Variants in PTPRK observed in about 807,000 individuals in gnomAD.
PTPRK encodes protein tyrosine phosphatase receptor type K, also known as receptor-type tyrosine-protein phosphatase kappa.
Under a neutral mutation model 178.0 loss-of-function variants are expected in PTPRK, and 75 were observed. That is an observed-to-expected ratio of 0.42 (90% CI 0.35 to 0.51). The LOEUF is 0.51. Ranked by LOEUF, PTPRK falls within the 20% of genes least tolerant of loss-of-function variation. The pLI is 0.02. For missense variants in PTPRK, 1,441 were observed against 1,797.8 expected (o/e 0.80, Z 3.59); for synonymous variants, 637 against 620.6 (o/e 1.03, Z -0.39).
intron 2 of PTPRK, among the ~76,000 whole-genome samples, chr6:128,345,904 G>T (rs1832369736): frequency 1.3e-5 from 2 of 152,084 alleles, no homozygotes; most frequent in South Asian, 4.1e-4. Flanking sequence ...CAAAATAGAA[G>T]CACTCAATCT....
At chr6:128,145,415 C>T (rs892601825) in intron 7 of PTPRK, among the ~76,000 whole-genome samples, 2 of 152,020 alleles carry the variant, frequency 1.3e-5, no homozygotes, top group Non-Finnish European at 2.9e-5. Context: ...TTAAAATGTA[C>T]AGCTTTTACA....
At chr6:128,291,858 G>A (rs1823438669) in intron 3 of PTPRK, among the ~76,000 whole-genome samples, 1 of 152,008 alleles carries the variant, frequency 6.6e-6, no homozygotes. Flanking sequence ...CTACAGTGTG[G>A]CCCTGGTAGG....
chr6:128,134,994 T>A (rs926127782), intron 7 of PTPRK, among the ~76,000 whole-genome samples: 2 of 151,848 alleles, frequency 1.3e-5, no homozygotes, highest in Admixed American at 1.3e-4. Context: ...CATCCACTAT[T>A]GCAAGAATTT....
intron 14 of PTPRK, chr6:128,005,890 AG>A: frequency 2.1e-6 from 1 of 484,514 alleles, no homozygotes; most frequent in Non-Finnish European, 3.6e-6. Flanking sequence ...TGATAGATAA[AG>A]TTTATAGTTT....
intron 7 of PTPRK, among the ~76,000 whole-genome samples, chr6:128,119,753 C>A (rs140991271): frequency 3.9e-5 from 6 of 152,082 alleles, no homozygotes; most frequent in African/African-American, 1.4e-4. Context: ...CCAGTAACTG[C>A]AATGCTTAGG....
chr6:128,109,921 G>T (rs1014127779), intron 7 of PTPRK, among the ~76,000 whole-genome samples: 2 of 151,900 alleles, frequency 1.3e-5, no homozygotes, highest in Non-Finnish European at 2.9e-5. Flanking sequence ...GGGGGGAGGA[G>T]GAGAGACAGG....
At chr6:128,446,381 G>A (rs1168432724) in intron 1 of PTPRK, among the ~76,000 whole-genome samples, 1 of 152,208 alleles carries the variant, frequency 6.6e-6, no homozygotes, top group Non-Finnish European at 1.5e-5. Flanking sequence ...TCCCAGGTCT[G>A]TAAAAGCATG....
chr6:128,421,590 C>T (rs1193276117), intron 1 of PTPRK, among the ~76,000 whole-genome samples: 1 of 152,070 alleles, frequency 6.6e-6, no homozygotes, highest in Non-Finnish European at 1.5e-5. Flanking sequence ...ATTCACTTTT[C>T]CAGAATTACG....
chr6:128,495,988 G>T (rs907012646), intron 1 of PTPRK, among the ~76,000 whole-genome samples: 10 of 152,116 alleles, frequency 6.6e-5, no homozygotes, highest in African/African-American at 2.4e-4. Context: ...TGCACTCCTT[G>T]GGTAAGACAC....
intron 8 of PTPRK, among the ~76,000 whole-genome samples, chr6:128,089,363 A>C (rs1786523518): frequency 6.6e-6 from 1 of 152,254 alleles, no homozygotes; most frequent in Non-Finnish European, 1.5e-5. Context: ...TTTTACCAAT[A>C]GGCAATTGAT....
intron 2 of PTPRK, among the ~76,000 whole-genome samples, chr6:128,323,496 TGTAAAA>T (rs1328202088): frequency 3.9e-5 from 6 of 152,128 alleles, no homozygotes; most frequent in Non-Finnish European, 8.8e-5. Flanking sequence ...CCTGACAACA[TGTAAAA>T]GTAATCAATC....
intron 11 of PTPRK, among the ~76,000 whole-genome samples, chr6:128,068,572 GA>G (rs1782244296): frequency 6.6e-6 from 1 of 151,758 alleles, no homozygotes; most frequent in Non-Finnish European, 1.5e-5. Context: ...AAAACAAAAA[GA>G]AAAACAAGGC....
chr6:128,227,703 G>GA (rs1243281209), intron 5 of PTPRK, among the ~76,000 whole-genome samples: 2 of 152,012 alleles, frequency 1.3e-5, no homozygotes, highest in African/African-American at 4.8e-5. Flanking sequence ...AAGTCAGTCA[G>GA]AAAAATATGT....
At chr6:128,070,039 G>A (rs1414810024) in intron 11 of PTPRK, among the ~76,000 whole-genome samples, 1 of 151,952 alleles carries the variant, frequency 6.6e-6, no homozygotes, top group Non-Finnish European at 1.5e-5. Flanking sequence ...TAAAATACAA[G>A]TAACATGCTT....
In PTPRK at chr6:128,259,055, A is replaced by G. The variant is rs143148818; in HGVS notation, c.496-16453T>C. Among the ~76,000 whole-genome samples, 87 of 150,274 alleles carry G rather than the reference A, an allele frequency of 5.8e-4. 1 individual carries two copies. Among genetic ancestry groups the G allele is most frequent in the Non-Finnish European group, 9.6e-4 (65 of 68,016 alleles). ...AGGAGAAGAGCCTCAGAGAGGTAAT[A>G]AGGGAAGCTGGGAGAAGTGTGGGGA... On this transcript the variant is annotated intron_variant, in intron 3 of 29. Transcript: ENST00000368226.
intron 25 of PTPRK, among the ~76,000 whole-genome samples, chr6:127,978,339 T>A (rs570456432): frequency 2.6e-5 from 4 of 152,110 alleles, no homozygotes; most frequent in Non-Finnish European, 5.9e-5. Flanking sequence ...GTTTCCCCCA[T>A]GCTGTTCTCC....
intron 7 of PTPRK, among the ~76,000 whole-genome samples, chr6:128,176,065 A>G (rs1465042208): frequency 6.6e-6 from 1 of 151,724 alleles, no homozygotes; most frequent in Non-Finnish European, 1.5e-5. Context: ...TGGAACAATG[A>G]CTCTGCTTTA....
chr6:128,362,921 T>C (rs1391060551), intron 2 of PTPRK, among the ~76,000 whole-genome samples: 2 of 152,080 alleles, frequency 1.3e-5, no homozygotes, highest in Non-Finnish European at 2.9e-5. Context: ...CAGTATAAAT[T>C]AGAATTTGAT....
intron 2 of PTPRK, among the ~76,000 whole-genome samples, chr6:128,369,737 T>C (rs917972189): frequency 2.0e-5 from 3 of 152,136 alleles, no homozygotes; most frequent in Non-Finnish European, 4.4e-5. Flanking sequence ...TTTTAGTAAA[T>C]GCTCTTATGG....
Sources: allele counts gnomAD v4.1 joint callset (sites outside exome capture counted in the v4.1 genomes callset), GRCh38; gene constraint gnomAD v4.1.1; transcripts MANE v1.5; gene names NCBI Gene and HGNC (gene_info 2026-07-23, HGNC 2026-07-21).